The following DCC variants were observed in gnomAD, a reference collection of about 807,000 sequenced individuals.
DCC encodes the protein DCC netrin 1 receptor, also known as netrin receptor DCC.
DCC carries 58 observed loss-of-function variants against 172.5 expected under a neutral mutation model. The observed-to-expected ratio is 0.34, with a 90% CI of 0.27 to 0.42. The LOEUF (loss-of-function observed/expected upper bound fraction) is 0.42, where lower values mean the gene tolerates loss of function less well. Ranked by LOEUF, DCC falls within the 10% of genes least tolerant of loss-of-function variation. DCC has a pLI of 1.00. For synonymous variants in DCC, 709 were observed against 644.5 expected, an observed-to-expected ratio of 1.10 and a Z score of -1.52; for missense variants, 1,740 against 1,791.0, an observed-to-expected ratio of 0.97 and a Z score of 0.51.
At chr18:52,610,480 G>T (rs1184374025) in intron 1 of DCC, among the ~76,000 whole-genome samples, 1 of 146,978 alleles carries the variant, frequency 6.8e-6, no homozygotes, top group African/African-American at 2.5e-5. Context: ...GAGAGTTGGT[G>T]TATACTGGGT....
At chr18:53,118,773 A>G (rs576315808) in intron 7 of DCC, among the ~76,000 whole-genome samples, 1 of 151,782 alleles carries the variant, frequency 6.6e-6, no homozygotes, top group South Asian at 2.1e-4. Flanking sequence ...AACATGACTG[A>G]CATTAACAGT....
At position 53,291,700 on chromosome 18, in the gene DCC, T is replaced by G. The variant is rs186804556; in HGVS notation, c.1912-13878T>G. Among the ~76,000 whole-genome samples the G allele has an allele frequency of 5.4e-3, 820 of 152,326 alleles. 6 individuals carry two copies. Among genetic ancestry groups the G allele is most frequent in the Admixed American group, 0.023 (349 of 15,292 alleles). On this transcript the variant is annotated intron_variant, in intron 12 of 28. Coordinates refer to ENST00000442544, the MANE Select transcript of DCC (RefSeq NM_005215.4). Reference sequence around the variant, plus strand: ...ATATATTATATTGCTTTTAGTAGTTTTATTTAGTACAAACGAATAGTCTGA... The same window carrying G: ...ATATATTATATTGCTTTTAGTAGTTGTATTTAGTACAAACGAATAGTCTGA...
rs1373153725 is a variant in DCC at position 53,410,682 on chromosome 18, G to A, written c.3130+36G>A. The A allele has an allele frequency of 2.3e-6, 3 of 1,312,752 alleles. No homozygotes were observed. The Admixed American group carries it at 5.0e-5, about 22-fold the overall frequency. The allele number at this position is 1,312,752 out of a possible 1,614,324, so 81.3% of individuals were successfully genotyped here. A position where few individuals can be genotyped will look rare whatever the true frequency, so the allele number is the denominator to read the frequency against. Reference sequence around the variant, plus strand: ...TTTCCTATTATGCTTTTCTTTTCCTGTGGGATTGTTATAAAATAGCTTTGC... The same window carrying A: ...TTTCCTATTATGCTTTTCTTTTCCTATGGGATTGTTATAAAATAGCTTTGC... On this transcript the variant is annotated intron_variant, in intron 20 of 28. Transcript: ENST00000442544.
chr18:53,468,314 T>C (rs1012957081), intron 25 of DCC, among the ~76,000 whole-genome samples: 13 of 150,224 alleles, frequency 8.7e-5, no homozygotes, highest in African/African-American at 2.9e-4. Context: ...TTATTGATCT[T>C]ATTCTAATAA....
intron 23 of DCC, among the ~76,000 whole-genome samples, chr18:53,453,327 C>T (rs2045440876): frequency 6.6e-6 from 1 of 152,150 alleles, no homozygotes; most frequent in African/African-American, 2.4e-5. Context: ...AAATCAATTC[C>T]AATCTGAAAC....
At chr18:52,493,469 G>A (rs1268365427) in intron 1 of DCC, among the ~76,000 whole-genome samples, 3 of 152,136 alleles carry the variant, frequency 2.0e-5, no homozygotes, top group South Asian at 2.1e-4. Context: ...AAAAGTGAAA[G>A]TTCTGATATT....
intron 20 of DCC, among the ~76,000 whole-genome samples, chr18:53,413,699 T>C (rs1234157260): frequency 3.3e-5 from 5 of 152,218 alleles, no homozygotes. Context: ...AGACAAAGAA[T>C]GGAGATAAGG....
At chr18:52,527,249 G>A (rs557656086) in intron 1 of DCC, among the ~76,000 whole-genome samples, 90 of 152,256 alleles carry the variant, frequency 5.9e-4, no homozygotes, top group African/African-American at 2.0e-3. Context: ...CAATTATGCA[G>A]TAATGGTATC....
chr18:53,057,005 A>T (rs762943757), intron 5 of DCC, among the ~76,000 whole-genome samples: 2 of 150,454 alleles, frequency 1.3e-5, no homozygotes, highest in African/African-American at 2.4e-5. Flanking sequence ...GTGATATTTT[A>T]AAATTGACCC....
At chr18:53,332,661 A>T (rs1039575560) in intron 14 of DCC, among the ~76,000 whole-genome samples, 14 of 152,166 alleles carry the variant, frequency 9.2e-5, no homozygotes, top group African/African-American at 3.4e-4. Context: ...AATGTTCATT[A>T]TTAAAATTAA....
intron 1 of DCC, among the ~76,000 whole-genome samples, chr18:52,428,736 T>G (rs1207089374): frequency 6.6e-6 from 1 of 152,094 alleles, no homozygotes; most frequent in African/African-American, 2.4e-5. Flanking sequence ...AAATCTTTAT[T>G]TCACTGAAAT....
intron 1 of DCC, among the ~76,000 whole-genome samples, chr18:52,558,808 T>C (rs1344629017): frequency 6.6e-6 from 1 of 152,194 alleles, no homozygotes; most frequent in African/African-American, 2.4e-5. Flanking sequence ...CATTTTCTAG[T>C]GATGAATAGG....
chr18:53,280,746 A>G (rs1402992088), intron 12 of DCC, among the ~76,000 whole-genome samples: 1 of 152,146 alleles, frequency 6.6e-6, no homozygotes, highest in Non-Finnish European at 1.5e-5. Context: ...ATTTTCTAAA[A>G]TATCTAAAAT....
intron 1 of DCC, among the ~76,000 whole-genome samples, chr18:52,720,384 C>A (rs1324601624): frequency 6.6e-6 from 1 of 152,084 alleles, no homozygotes; most frequent in Non-Finnish European, 1.5e-5. Flanking sequence ...GAATGTAGAT[C>A]CAGAATTTGA....
In DCC at chr18:52,672,294, C is replaced by T. The variant is rs541350002; in HGVS notation, c.92-79760C>T. Among the ~76,000 whole-genome samples the T allele has an allele frequency of 2.6e-3, 399 of 152,120 alleles. 1 individual carries two copies. Among genetic ancestry groups the T allele is most frequent in the Non-Finnish European group, 4.5e-3 (307 of 67,978 alleles). The stretch of plus-strand genomic sequence containing the variant: ...CTATTAAAAGCAATATGTGTGTATA[C>T]GCTTCATAATTAGTTTACAAGCTAT... On this transcript the variant is annotated intron_variant, in intron 1 of 28. Transcript: ENST00000442544.
intron 15 of DCC, among the ~76,000 whole-genome samples, chr18:53,347,955 C>A (rs969050946): frequency 9.2e-5 from 14 of 152,114 alleles, no homozygotes; most frequent in Non-Finnish European, 1.9e-4. Flanking sequence ...GTTGGAGTTA[C>A]AATTCAAGAT....
At chr18:52,497,062 T>C (rs556992333) in intron 1 of DCC, among the ~76,000 whole-genome samples, 101 of 151,360 alleles carry the variant, frequency 6.7e-4, no homozygotes, top group Non-Finnish European at 1.1e-3. Flanking sequence ...AAGACCAGCC[T>C]GGACAACATG....
chr18:53,497,935 C>A (rs1306000161), intron 26 of DCC, among the ~76,000 whole-genome samples: 1 of 152,132 alleles, frequency 6.6e-6, no homozygotes. Flanking sequence ...TCAAAGAAAT[C>A]TTTTATCAAG....
chr18:53,210,647 A>G (rs552714692), intron 11 of DCC, among the ~76,000 whole-genome samples: 23 of 152,312 alleles, frequency 1.5e-4, no homozygotes, highest in African/African-American at 5.5e-4. Flanking sequence ...AATTTAATAT[A>G]TGACTGTGTC....
Sources: allele counts gnomAD v4.1 joint callset (sites outside exome capture counted in the v4.1 genomes callset), GRCh38; gene constraint gnomAD v4.1.1; transcripts MANE v1.5; gene names NCBI Gene and HGNC (gene_info 2026-07-23, HGNC 2026-07-21).